Variants in TIAM2 observed in about 807,000 individuals in gnomAD.
The protein encoded by TIAM2 is TIAM Rac1 associated GEF 2, also known as rho guanine nucleotide exchange factor TIAM2.
Under a neutral mutation model 152.9 loss-of-function variants are expected in TIAM2, and 80 were observed. The ratio of observed to expected loss-of-function variants is 0.52; its 90% CI spans 0.44 to 0.63. The LOEUF (loss-of-function observed/expected upper bound fraction) is 0.63. Ranked by LOEUF, TIAM2 falls within the 30% of genes least tolerant of loss-of-function variation. The probability of loss-of-function intolerance (pLI) is 0.00; values close to 1 mark genes in which losing one functional copy is unlikely to be tolerated. For missense variants in TIAM2, 1,965 were observed against 2,120.1 expected, an observed-to-expected ratio of 0.93 and a Z score of 1.44; for synonymous variants, 804 against 838.0, an observed-to-expected ratio of 0.96 and a Z score of 0.70.
intron 15 of TIAM2, among the ~76,000 whole-genome samples, chr6:155,222,552 G>T (rs1782084224): frequency 6.6e-6 from 1 of 150,762 alleles, no homozygotes; most frequent in Non-Finnish European, 1.5e-5. Flanking sequence ...AGTGAGCCAA[G>T]ACTGCACCAC....
chr6:155,113,653 G>A (rs915663513), intron 2 of TIAM2, among the ~76,000 whole-genome samples: 1 of 152,108 alleles, frequency 6.6e-6, no homozygotes, highest in South Asian at 2.1e-4. Context: ...GAACCCAGGA[G>A]GTGGAGGTTG....
chr6:155,019,797 G>A (rs1190963401), intron 1 of TIAM2, among the ~76,000 whole-genome samples: 1 of 152,230 alleles, frequency 6.6e-6, no homozygotes, highest in Admixed American at 6.5e-5. Context: ...GCTCATGCCT[G>A]TAATCCCAGC....
intron 4 of TIAM2, among the ~76,000 whole-genome samples, chr6:155,135,046 ACT>A (rs540153241): frequency 5.5e-4 from 84 of 151,974 alleles, no homozygotes; most frequent in African/African-American, 1.9e-3. Context: ...TAAAAAAAAA[ACT>A]CTAAGTATTT....
intron 1 of TIAM2, among the ~76,000 whole-genome samples, chr6:155,066,528 G>A (rs892888675): frequency 4.6e-5 from 7 of 152,158 alleles, no homozygotes; most frequent in African/African-American, 1.7e-4. Flanking sequence ...GCTTTTGGTG[G>A]ATGGACTTCA....
At chr6:155,091,579 A>T (rs191455672) in intron 2 of TIAM2, among the ~76,000 whole-genome samples, 2 of 152,334 alleles carry the variant, frequency 1.3e-5, no homozygotes, top group Non-Finnish European at 2.9e-5. Flanking sequence ...TTAACATTAG[A>T]TTAGATGCAA....
chr6:155,120,761 G>A (rs894242305), intron 2 of TIAM2, among the ~76,000 whole-genome samples: 7 of 152,124 alleles, frequency 4.6e-5, no homozygotes, highest in African/African-American at 9.7e-5. Flanking sequence ...TATGTTGTAC[G>A]GGGTTCAGTA....
intron 9 of TIAM2, among the ~76,000 whole-genome samples, chr6:155,165,757 C>CAG (rs1463992675): frequency 1.3e-5 from 2 of 152,064 alleles, no homozygotes; most frequent in Admixed American, 1.3e-4. Context: ...CACTGTACTC[C>CAG]AGCCTGAGTG....
chr6:155,148,049 T>G lies in TIAM2; in HGVS notation c.1804-61T>G. 3 of 1,564,602 alleles carry G rather than the reference T, an allele frequency of 1.9e-6. No homozygotes were observed. The South Asian group carries it at 3.3e-5, about 17-fold the overall frequency. ...TGTACATCTAAGCCCAGCCTGCCAT[T>G]TTGGAGAGCACTTTAGTGGTAAAAT... On this transcript the variant is annotated intron_variant, in intron 6 of 26. Transcript: ENST00000682666.
intron 1 of TIAM2, among the ~76,000 whole-genome samples, chr6:155,023,038 T>C (rs1467619498): frequency 1.4e-5 from 1 of 73,082 alleles, no homozygotes; most frequent in African/African-American, 5.4e-5. Flanking sequence ...TCATTTTTTG[T>C]TCTGTTTTTT....
rs1205215231 is a variant in TIAM2 at position 155,186,958 on chromosome 6, G to A, written c.3064+3458G>A. The stretch of plus-strand genomic sequence containing the variant: ...AAGGAAAGTTCTGTTTGCTTTTCCA[G>A]AGAAGCCAATCCTTTGCTTGCTATA... On this transcript the variant is annotated intron_variant, in intron 14 of 26. Coordinates refer to ENST00000682666, the MANE Select transcript of TIAM2 (RefSeq NM_012454.4). The surrounding 1 kb of genome is among the most constrained non-coding windows in gnomAD (Gnocchi z 4.5). 6.6e-6 allele frequency among the ~76,000 whole-genome samples: 1 copy of A among 152,176 alleles called. No homozygotes were observed. The highest frequency in any genetic ancestry group is 1.5e-5 in the Non-Finnish European group (1 of 68,030).
intron 9 of TIAM2, among the ~76,000 whole-genome samples, chr6:155,168,094 T>C (rs1341078726): frequency 2.6e-5 from 4 of 152,206 alleles, no homozygotes; most frequent in Non-Finnish European, 5.9e-5. Context: ...ATGAAGTTGA[T>C]TTAGTAGGTA....
chr6:155,168,130 A>G (rs1008260798), intron 9 of TIAM2, among the ~76,000 whole-genome samples: 1 of 152,148 alleles, frequency 6.6e-6, no homozygotes, highest in African/African-American at 2.4e-5. Flanking sequence ...ATTGTTTTTA[A>G]TGTTAATTAT....
intron 2 of TIAM2, among the ~76,000 whole-genome samples, chr6:155,092,582 A>G (rs1778329706): frequency 6.6e-6 from 1 of 152,002 alleles, no homozygotes; most frequent in African/African-American, 2.4e-5. Context: ...TAAAAATAAT[A>G]TATTTGCTCA....
In TIAM2 at chr6:155,000,767, T is replaced by G. The variant is rs574338321; in HGVS notation, c.-209+5275T>G. ...TGGGAGGCCGACGCTGGGGATCACT[T>G]GAGGTTGGGAGTTCAAGACCAGCCT... On this transcript the variant is annotated intron_variant, in intron 1 of 26. Coordinates refer to ENST00000682666, the MANE Select transcript of TIAM2 (RefSeq NM_012454.4). 1.8e-4 allele frequency among the ~76,000 whole-genome samples: 27 copies of G among 152,224 alleles called. No homozygotes were observed. The South Asian group carries it at 4.8e-3, about 27-fold the overall frequency.
In TIAM2 at chr6:155,129,281, A is replaced by AT; in HGVS notation, c.60dup (p.Thr21TyrfsTer4). ...AGGATCTAAAAATCATAGCAATACT[A>AT]TTACTGGTGCTAAGCAAATTCCTTG... On this transcript the variant is annotated frameshift_variant, in exon 4 of 27. Transcript: ENST00000682666. LOFTEE classifies it high-confidence loss of function. This position sits in a 1 kb window ranked among gnomAD's most constrained non-coding sequence, Gnocchi z 4.8. 2 of 1,614,232 alleles carry AT rather than the reference A, an allele frequency of 1.2e-6. No individual in the cohort carries two copies. The highest frequency in any genetic ancestry group is 1.7e-6 in the Non-Finnish European group (2 of 1,180,056).
At chr6:155,198,870 G>T (rs1781414737) in intron 14 of TIAM2, among the ~76,000 whole-genome samples, 1 of 152,014 alleles carries the variant, frequency 6.6e-6, no homozygotes, top group Non-Finnish European at 1.5e-5. Context: ...AGGGCACCCT[G>T]GGATGGCCCA....
chr6:155,135,209 T>G (rs1261138631), intron 4 of TIAM2, among the ~76,000 whole-genome samples: 1 of 152,170 alleles, frequency 6.6e-6, no homozygotes, highest in Non-Finnish European at 1.5e-5. Context: ...GGCGCAGTTG[T>G]TCATGGCTCC....
chr6:155,131,857 G>A (rs1050743151), intron 4 of TIAM2, among the ~76,000 whole-genome samples: 1 of 152,138 alleles, frequency 6.6e-6, no homozygotes, highest in Non-Finnish European at 1.5e-5. Context: ...GGGATTACAA[G>A]CGTGAGCCAC....
At chr6:155,097,165 A>C (rs527542935) in intron 2 of TIAM2, among the ~76,000 whole-genome samples, 2 of 152,228 alleles carry the variant, frequency 1.3e-5, no homozygotes, top group South Asian at 4.1e-4. Context: ...GAGAAATATC[A>C]GTTCAGATCT....
Sources: gnomAD v4.1 joint callset for allele counts (sites outside exome capture counted in the v4.1 genomes callset) on GRCh38, gnomAD v4.1.1 for gene constraint, Gnocchi (gnomAD v3.1) non-coding constraint, MANE v1.5 for transcripts, NCBI Gene and HGNC (gene_info 2026-07-23, HGNC 2026-07-21) for gene names.